NTN1: variants seen among roughly 807,000 people sequenced by gnomAD.
The protein encoded by NTN1 is netrin-1.
Under a neutral mutation model 54.2 loss-of-function variants are expected in NTN1, and 11 were observed. The observed-to-expected ratio is 0.20, with a 90% CI of 0.13 to 0.34. The LOEUF (loss-of-function observed/expected upper bound fraction) is 0.34, where lower values mean the gene tolerates loss of function less well. Ranked by LOEUF, NTN1 falls within the 10% of genes least tolerant of loss-of-function variation. The probability of loss-of-function intolerance (pLI) is 1.00; values close to 1 mark genes in which losing one functional copy is unlikely to be tolerated. For synonymous variants in NTN1, 371 were observed against 382.0 expected (o/e 0.97, Z 0.33); for missense variants, 740 against 893.1 (o/e 0.83, Z 2.18).
At chr17:9,214,048 A>T (rs1358872577) in intron 5 of NTN1, among the ~76,000 whole-genome samples, 2 of 152,030 alleles carry the variant, frequency 1.3e-5, no homozygotes, top group East Asian at 3.8e-4. Context: ...TTTTCAAAGA[A>T]TCAGTTCTTG....
chr17:9,020,039 C>T (rs573545394), upstream of NTN1, among the ~76,000 whole-genome samples: 88 of 152,328 alleles, frequency 5.8e-4, no homozygotes, highest in African/African-American at 2.0e-3. Flanking sequence ...GAGCTCCCAT[C>T]CCTGGAAGAG....
At chr17:9,153,748 A>G in intron 2 of NTN1, among the ~76,000 whole-genome samples, 1 of 152,204 alleles carries the variant, frequency 6.6e-6, no homozygotes, top group East Asian at 1.9e-4. Flanking sequence ...GCAGTCAGGT[A>G]GAAGCGGGTC....
At position 9,114,166 on chromosome 17, in the gene NTN1, A is replaced by ATATATATATATATATATATATATATAT. The variant is rs59456522; in HGVS notation, c.1019-48647_1019-48646insTATATATATATATATATATATATATAT. 1.5e-4 allele frequency among the ~76,000 whole-genome samples: 11 copies of ATATATATATATATATATATATATATAT among 74,594 alleles called. 1 individual carries two copies. The highest frequency in any genetic ancestry group is 1.5e-4 in the Non-Finnish European group (6 of 40,272). 48.9% of individuals were successfully genotyped at this position (74,594 alleles called of 152,430 possible). On this transcript the variant is annotated intron_variant, in intron 2 of 6. Coordinates refer to ENST00000173229, the MANE Select transcript of NTN1 (RefSeq NM_004822.3). ...GCCAAAAAAAAAGAAAAAAAAAAAA[A>ATATATATATATATATATATATATATAT]ATATATATATATATATATATGATTC...
chr17:9,237,329 C>T (rs1906025749), intron 6 of NTN1, among the ~76,000 whole-genome samples: 1 of 152,160 alleles, frequency 6.6e-6, no homozygotes, highest in African/African-American at 2.4e-5. Context: ...TACAAGGACA[C>T]AGGTCATAGG....
chr17:9,093,053 C>T (rs2092118207), intron 2 of NTN1, among the ~76,000 whole-genome samples: 1 of 152,192 alleles, frequency 6.6e-6, no homozygotes, highest in African/African-American at 2.4e-5. Context: ...CCACTGCGCC[C>T]AGCCAATTTT....
chr17:9,233,716 T>TGGG (rs1905890189), intron 6 of NTN1, among the ~76,000 whole-genome samples: 1 of 151,992 alleles, frequency 6.6e-6, no homozygotes, highest in African/African-American at 2.4e-5. Flanking sequence ...GGCCTGGTAA[T>TGGG]GGGTCAACAT....
At chr17:9,059,230 A>T (rs1015071680) in intron 2 of NTN1, among the ~76,000 whole-genome samples, 2 of 152,154 alleles carry the variant, frequency 1.3e-5, no homozygotes, top group South Asian at 2.1e-4. Context: ...GCAGGTACAG[A>T]TGGAGGAACT....
At position 9,120,100 on chromosome 17, in the gene NTN1, G is replaced by A. The variant is rs183949375; in HGVS notation, c.1019-42713G>A. Among the ~76,000 whole-genome samples the A allele has an allele frequency of 5.7e-3, 874 of 152,134 alleles. 4 individuals are homozygous for A. Among genetic ancestry groups the A allele is most frequent in the Middle Eastern group, 0.01 (3 of 294 alleles). ...TCGAGACCATCCTAGCTAACATGGTGAAACCCCATCTCTATTAAAAATATT... is the reference window on the plus strand; with the variant it reads ...TCGAGACCATCCTAGCTAACATGGTAAAACCCCATCTCTATTAAAAATATT... On this transcript the variant is annotated intron_variant, in intron 2 of 6. Transcript: ENST00000173229.
intron 2 of NTN1, among the ~76,000 whole-genome samples, chr17:9,066,355 G>C (rs8066040): frequency 0.17 from 25,910 of 152,140 alleles, 2,493 homozygotes; most frequent in African/African-American, 0.23. Flanking sequence ...AGAGCCGGGC[G>C]TGGTGGCTCA....
intron 2 of NTN1, among the ~76,000 whole-genome samples, chr17:9,152,049 G>GC (rs201459181): frequency 0.052 from 7,916 of 152,176 alleles, 280 homozygotes; most frequent in Middle Eastern, 0.078. Context: ...ATAAAAGCTG[G>GC]CCCCCCGCGG....
intron 5 of NTN1, among the ~76,000 whole-genome samples, chr17:9,186,442 A>G (rs1169971895): frequency 6.6e-6 from 1 of 152,182 alleles, no homozygotes; most frequent in Non-Finnish European, 1.5e-5. Context: ...AGGAGCATGG[A>G]GCCAGCCAAC....
At chr17:9,005,977 C>T in the NTN1 span, among the ~76,000 whole-genome samples, 4 of 152,206 alleles carry the variant, frequency 2.6e-5, no homozygotes, top group Non-Finnish European at 4.4e-5. Flanking sequence ...CAAATCTGCC[C>T]ACGCCAGGGA....
At chr17:9,153,735 C>T (rs960760149) in intron 2 of NTN1, among the ~76,000 whole-genome samples, 5 of 152,190 alleles carry the variant, frequency 3.3e-5, no homozygotes, top group African/African-American at 7.2e-5. Flanking sequence ...AAGCAACGAA[C>T]GGGCAGTCAG....
chr17:9,008,927 G>T, the NTN1 span, among the ~76,000 whole-genome samples: 1 of 152,172 alleles, frequency 6.6e-6, no homozygotes, highest in Non-Finnish European at 1.5e-5. Context: ...TGTAGTCCCA[G>T]CTACCTGGGA....
At chr17:9,110,847 T>C (rs1467003806) in intron 2 of NTN1, among the ~76,000 whole-genome samples, 1 of 151,992 alleles carries the variant, frequency 6.6e-6, no homozygotes, top group Non-Finnish European at 1.5e-5. Flanking sequence ...TCTGCCTCTG[T>C]CTTACACGAT....
At chr17:9,039,577 T>G (rs149268708) in intron 2 of NTN1, among the ~76,000 whole-genome samples, 1 of 152,224 alleles carries the variant, frequency 6.6e-6, no homozygotes, top group Non-Finnish European at 1.5e-5. Context: ...TTGACTTATG[T>G]ATACACCTGT....
intron 2 of NTN1, among the ~76,000 whole-genome samples, chr17:9,140,963 C>T (rs1170322477): frequency 3.3e-5 from 5 of 152,074 alleles, no homozygotes; most frequent in South Asian, 2.1e-4. Context: ...GGGGAGTGGG[C>T]GGTGACAGTG....
chr17:9,204,163 AC>A (rs749814250), intron 5 of NTN1, among the ~76,000 whole-genome samples: 5 of 136,794 alleles, frequency 3.7e-5, no homozygotes, highest in African/African-American at 1.6e-4. Context: ...AGGATAGACC[AC>A]CCTTAGTAAC....
At chr17:9,067,838 G>C (rs2092020115) in intron 2 of NTN1, among the ~76,000 whole-genome samples, 1 of 152,162 alleles carries the variant, frequency 6.6e-6, no homozygotes, top group South Asian at 2.1e-4. Context: ...CCATCCCTCG[G>C]CAGCCAGGAG....
Sources: allele counts gnomAD v4.1 joint callset (sites outside exome capture counted in the v4.1 genomes callset), GRCh38; gene constraint gnomAD v4.1.1; transcripts MANE v1.5; gene names NCBI Gene and HGNC (gene_info 2026-07-23, HGNC 2026-07-21).